The following AVEN variants were observed in gnomAD, a reference collection of about 807,000 sequenced individuals.
AVEN encodes the protein cell death regulator Aven.
Under a neutral mutation model 38.1 loss-of-function variants are expected in AVEN, and 41 were observed. The observed-to-expected ratio is 1.08, with a 90% confidence interval of 0.84 to 1.40. AVEN has a LOEUF of 1.40. Among genes scored for constraint, AVEN ranks in the 40% most tolerant of loss-of-function variants. The pLI is 0.00. For synonymous variants in AVEN, 206 were observed against 171.8 expected (o/e 1.20, Z -1.56); for missense variants, 605 against 438.8 (o/e 1.38, Z -3.38).
At chr15:33,858,048 A>C, downstream of AVEN, 1 of 1,170,150 alleles carries the variant, frequency 8.5e-7, no homozygotes, top group Non-Finnish European at 1.2e-6. Context: ...AGCAGAGATT[A>C]AAGTAGAAGA....
intron 2 of AVEN, among the ~76,000 whole-genome samples, chr15:33,947,873 G>A (rs1894566570): frequency 6.6e-6 from 1 of 152,098 alleles, no homozygotes; most frequent in Non-Finnish European, 1.5e-5. Context: ...GCTATGCCAT[G>A]TCTGTAATGG....
intron 2 of AVEN, among the ~76,000 whole-genome samples, chr15:33,878,733 G>T (rs992839886): frequency 6.6e-6 from 1 of 152,080 alleles, no homozygotes; most frequent in African/African-American, 2.4e-5. Context: ...AGATCTTTGT[G>T]TATTAGATAC....
chr15:33,899,720 C>A (rs1481725355), intron 2 of AVEN, among the ~76,000 whole-genome samples: 1 of 151,978 alleles, frequency 6.6e-6, no homozygotes. Flanking sequence ...CCTGCCTTGG[C>A]CTCCCAAAGT....
chr15:33,964,565 T>A (rs1895316269), intron 2 of AVEN, among the ~76,000 whole-genome samples: 1 of 152,148 alleles, frequency 6.6e-6, no homozygotes, highest in Non-Finnish European at 1.5e-5. Context: ...CAGCAACTGT[T>A]TCCTAATAAT....
intron 2 of AVEN, among the ~76,000 whole-genome samples, chr15:33,907,564 GC>G (rs1019408347): frequency 2.6e-5 from 4 of 152,138 alleles, no homozygotes; most frequent in African/African-American, 4.8e-5. Context: ...CCAGACTGTT[GC>G]AAAGTATTCA....
At chr15:33,864,897 T>C (rs568103522), downstream of AVEN, 15 of 474,502 alleles carry the variant, frequency 3.2e-5, no homozygotes, top group African/African-American at 2.1e-4. Context: ...CAGTTTTGCT[T>C]GTTTGGGGCA....
intron 2 of AVEN, among the ~76,000 whole-genome samples, chr15:33,983,150 G>A (rs145391998): frequency 2.2e-4 from 23 of 104,138 alleles, no homozygotes; most frequent in Non-Finnish European, 3.2e-4. Flanking sequence ...GTGTGTGTGT[G>A]TGTGTGTGTA....
intron 2 of AVEN, among the ~76,000 whole-genome samples, chr15:34,002,564 A>C (rs1032705557): frequency 1.3e-5 from 2 of 152,182 alleles, no homozygotes; most frequent in Non-Finnish European, 2.9e-5. Context: ...AAAAGCAAAA[A>C]CAAAAACTTG....
Position 33,870,989 on chromosome 15 carries a change from G to C in AVEN, c.558C>G (p.Ala186=), listed in dbSNP as rs551382705. 6.1e-4 allele frequency: 979 copies of C among 1,609,260 alleles called. 14 individuals are homozygous for C. In the South Asian group the frequency reaches 0.01, roughly 17 times the overall value. The stretch of plus-strand genomic sequence containing the variant: ...GGAGGCAGAGAGGCAGCTCTTGAAG[G>C]GCTCGAACCAATAACTCACTATCCA... ...FYVDSELLVR[A]LQELPLCLRL... is the part of the protein sequence containing the mutation. The change falls in exon 4 of 6, where the codon GCC becomes GCG. Residue 186 remains alanine (A), a synonymous_variant. Transcript: ENST00000306730.
chr15:33,865,063 A>AAAAACAAACTGGGTTTT (rs1388887802), downstream of AVEN: 6 of 1,298,626 alleles, frequency 4.6e-6, no homozygotes, highest in African/African-American at 1.5e-5. Flanking sequence ...CACAAAGAAC[A>AAAAACAAACTGGGTTTT]AAAACAAACT....
intron 2 of AVEN, among the ~76,000 whole-genome samples, chr15:33,888,182 C>T (rs78675971): frequency 6.6e-6 from 1 of 152,180 alleles, no homozygotes; most frequent in African/African-American, 2.4e-5. Flanking sequence ...GAGCCAGATA[C>T]TGTATTAAGT....
chr15:34,017,931 A>C (rs2140699310), intron 1 of AVEN, among the ~76,000 whole-genome samples: 1 of 152,360 alleles, frequency 6.6e-6, no homozygotes, highest in African/African-American at 2.4e-5. Context: ...AGTGCACAGC[A>C]TTATTCACAG....
chr15:33,867,856 C>A lies in AVEN; in HGVS notation c.613-1G>T. The A allele has an allele frequency of 6.4e-7, 1 of 1,559,826 alleles. No individual in the cohort carries two copies. The highest frequency in any genetic ancestry group is 8.6e-7 in the Non-Finnish European group (1 of 1,158,772). ...GAGGAACCTCTAAAGGAACTGTACC[C>A]TGAAAGAGAAGTATAAAAACTGAGT... On this transcript the variant is annotated splice_acceptor_variant, in intron 4 of 5. Coordinates refer to ENST00000306730, the MANE Select transcript of AVEN (RefSeq NM_020371.3). LOFTEE classifies it high-confidence loss of function.
chr15:33,922,410 G>A (rs999914368), intron 2 of AVEN, among the ~76,000 whole-genome samples: 1 of 148,846 alleles, frequency 6.7e-6, no homozygotes, highest in Non-Finnish European at 1.5e-5. Flanking sequence ...GCTAAGGGCT[G>A]ATTCTTGTGA....
the AVEN span, chr15:33,853,661 A>G: frequency 6.2e-7 from 1 of 1,613,870 alleles, no homozygotes; most frequent in Non-Finnish European, 8.5e-7. Context: ...ACCAAAGCAG[A>G]AGCGGCTTCT....
chr15:33,930,900 A>G lies in AVEN; in HGVS notation c.446-54905T>C, dbSNP rs1044263584. ...AACCTGGGAGGCGGAGCTTGCAGTG[A>G]GCCAAGATCACACCACTGTACTTCA... On this transcript the variant is annotated intron_variant, in intron 2 of 5. Transcript: ENST00000306730. Among the ~76,000 whole-genome samples, 5 of 149,496 alleles carry G rather than the reference A, an allele frequency of 3.3e-5. No homozygotes were observed. The East Asian group carries it at 9.9e-4, about 30-fold the overall frequency.
At chr15:33,868,002 C>G (rs1890754098) in intron 4 of AVEN, 147 bp from the exon 5 acceptor site, 1 of 1,135,528 alleles carries the variant, frequency 8.8e-7, no homozygotes, top group African/African-American at 1.6e-5. Context: ...CCTTTCCAGG[C>G]CCTGGTGGGG....
At position 34,068,786 on chromosome 15, in the gene AVEN, T is replaced by C. The variant is rs1900569531; in HGVS notation, n.784+1802A>G. On this transcript the variant is annotated intron_variant and non_coding_transcript_variant, in intron 2 of 11. Transcript: ENST00000675287. Reference sequence around the variant, plus strand: ...AGCTTTTCTGTCTTTCATGATATAGTCATCTTTTAAGAGCACCTACAATCC... The same window carrying C: ...AGCTTTTCTGTCTTTCATGATATAGCCATCTTTTAAGAGCACCTACAATCC... Among the ~76,000 whole-genome samples, 3 of 151,736 alleles carry C rather than the reference T, an allele frequency of 2.0e-5. No homozygotes were observed. In the South Asian group the frequency reaches 6.2e-4, roughly 32 times the overall value.
chr15:33,949,489 C>T (rs1229607107), intron 2 of AVEN, among the ~76,000 whole-genome samples: 1 of 152,096 alleles, frequency 6.6e-6, no homozygotes, highest in Non-Finnish European at 1.5e-5. Context: ...TCATTGTATG[C>T]ATCAAAATAT....
Sources: gnomAD v4.1 joint callset for allele counts (sites outside exome capture counted in the v4.1 genomes callset) on GRCh38, gnomAD v4.1.1 for gene constraint, MANE v1.5 for transcripts, NCBI Gene and HGNC (gene_info 2026-07-23, HGNC 2026-07-21) for gene names.